The following ZNF582 variants were observed in gnomAD, a reference collection of about 807,000 sequenced individuals.
ZNF582 encodes zinc finger protein 582.
Under a neutral mutation model 12.3 loss-of-function variants are expected in ZNF582, and 14 were observed. The ratio of observed to expected loss-of-function variants is 1.14; its 90% confidence interval spans 0.75 to 1.78. The LOEUF is 1.78. ZNF582 is among the 40% of genes most tolerant of loss of function. ZNF582 has a pLI of 0.00. For missense variants in ZNF582, 567 were observed against 616.5 expected, an observed-to-expected ratio of 0.92 and a Z score of 0.85; for synonymous variants, 210 against 207.2, an observed-to-expected ratio of 1.01 and a Z score of -0.11.
intron 2 of ZNF582, among the ~76,000 whole-genome samples, chr19:56,391,437 T>C (rs2042012832): frequency 6.6e-6 from 1 of 152,214 alleles, no homozygotes; most frequent in South Asian, 2.1e-4. Context: ...TGCTTTTCTA[T>C]ATGTGATTGC....
intron 3 of ZNF582, 69 bp downstream of exon 3, chr19:56,390,306 A>G: frequency 6.2e-7 from 1 of 1,604,342 alleles, no homozygotes; most frequent in Non-Finnish European, 8.5e-7. Context: ...ACTGAAAAGC[A>G]CCCAAAAACT....
chr19:56,390,860 T>C (rs569008050), intron 2 of ZNF582, among the ~76,000 whole-genome samples: 1 of 152,314 alleles, frequency 6.6e-6, no homozygotes, highest in Admixed American at 6.5e-5. Context: ...TCTTTTGGAA[T>C]AACAATAACA....
At chr19:56,391,689 A>G in intron 2 of ZNF582, 55 bp downstream of exon 2, 10 of 1,537,040 alleles carry the variant, frequency 6.5e-6, no homozygotes, top group Non-Finnish European at 9.0e-6. Flanking sequence ...GATGGAACCC[A>G]GGTGGAAAGT....
At chr19:56,393,169 G>T in intron 1 of ZNF582, 51 bp downstream of exon 1, 1 of 1,232,816 alleles carries the variant, frequency 8.1e-7, no homozygotes, top group Non-Finnish European at 1.0e-6. Flanking sequence ...GCATAACAGT[G>T]AATGCAAAAC....
intron 2 of ZNF582, among the ~76,000 whole-genome samples, chr19:56,391,198 C>T (rs541818114): frequency 5.9e-5 from 9 of 152,292 alleles, no homozygotes; most frequent in Non-Finnish European, 1.0e-4. Flanking sequence ...CTTGCTACAT[C>T]GCTCACCATC....
At chr19:56,390,585 G>A in intron 2 of ZNF582, 84 bp from the exon 3 acceptor site, 3 of 1,491,426 alleles carry the variant, frequency 2.0e-6, no homozygotes, top group South Asian at 2.4e-5. Context: ...CTTTGCGGGA[G>A]GGGGGGTTGT....
chr19:56,386,131 T>TA (rs1281665146), intron 4 of ZNF582: 1 of 152,108 alleles, frequency 6.6e-6, no homozygotes, highest in Non-Finnish European at 1.5e-5. Context: ...TTTTAAAAAA[T>TA]AAAAATAAAA....
intron 4 of ZNF582, among the ~76,000 whole-genome samples, 190 bp downstream of exon 4, chr19:56,389,811 T>C (rs2042000040): frequency 6.6e-6 from 1 of 152,074 alleles, no homozygotes; most frequent in African/African-American, 2.4e-5. Flanking sequence ...CAGGTTGAAT[T>C]TTTAAAGTGT....
chr19:56,393,248 G>A (rs938266226), exon 1 of ZNF582: 11 of 1,248,570 alleles, frequency 8.8e-6, no homozygotes, highest in Non-Finnish European at 1.1e-5. Context: ...TGGGCTATGA[G>A]GCTGGAAGCA....
Position 56,390,306 on chromosome 19 carries a change from AC to A in ZNF582, c.136+68del, listed in dbSNP as rs371620768. The A allele has an allele frequency of 1.7e-4, 265 of 1,604,340 alleles. 1 individual carries two copies. The African/African-American group carries it at 2.9e-3, about 17-fold the overall frequency. On this transcript the variant is annotated intron_variant, in intron 3 of 4. Transcript: ENST00000586929. The stretch of plus-strand genomic sequence containing the variant: ...CCAACCAATCATAAGACTGAAAAGC[AC>A]CCAAAAACTGACCAGGAAGGAACAT...
At chr19:56,388,451 G>T (rs1030485283) in intron 4 of ZNF582, 4 of 152,124 alleles carry the variant, frequency 2.6e-5, no homozygotes, top group Non-Finnish European at 5.9e-5. Context: ...AATCATATCT[G>T]ATCCAAGAGA....
intron 3 of ZNF582, 136 bp from the exon 4 acceptor site, chr19:56,390,232 G>T (rs567248680): frequency 1.4e-6 from 2 of 1,381,030 alleles, no homozygotes; most frequent in East Asian, 4.6e-5. Context: ...TGGGGGTAGG[G>T]GGATGCAGCT....
chr19:56,388,583 G>A (rs1200720835), intron 4 of ZNF582, among the ~76,000 whole-genome samples: 1 of 152,006 alleles, frequency 6.6e-6, no homozygotes, highest in African/African-American at 2.4e-5. Flanking sequence ...CTTTCCCTCT[G>A]CCCACAGTGC....
Position 56,391,857 on chromosome 19 carries a change from AGAGG to A in ZNF582, c.-80-29_-80-26del, listed in dbSNP as rs751636506. 20 of 1,602,344 alleles carry A rather than the reference AGAGG, an allele frequency of 1.2e-5. No homozygotes were observed. The African/African-American group carries it at 2.3e-4, about 18-fold the overall frequency. On this transcript the variant is annotated intron_variant, in intron 1 of 4. Transcript: ENST00000586929. ...GCTGGGGGAGGAAAGAGCAAACATG[AGAGG>A]CTAGGCTTGCCTCACAGTTCCTAGA...
At chr19:56,393,347 G>A in exon 1 of ZNF582, 2 of 1,022,378 alleles carry the variant, frequency 2.0e-6, no homozygotes, top group Non-Finnish European at 2.6e-6. Context: ...GATGAGGCGA[G>A]ACGTCTGCGT....
exon 5 of ZNF582, chr19:56,384,988 G>C (rs138147752): frequency 6.8e-6 from 11 of 1,614,138 alleles, no homozygotes; most frequent in Non-Finnish European, 9.3e-6. Flanking sequence ...CATGTCTGAT[G>C]ATCATCTGAT....
At chr19:56,384,984 T>C (rs770448833) in exon 5 of ZNF582, 5 of 1,614,062 alleles carry the variant, frequency 3.1e-6, no homozygotes, top group Non-Finnish European at 4.2e-6. Context: ...TCTTCATGTC[T>C]GATGATCATC....
At chr19:56,391,815 A>G (rs755668909) in exon 2 of ZNF582, 1 of 1,614,164 alleles carries the variant, frequency 6.2e-7, no homozygotes, top group Non-Finnish European at 8.5e-7. Context: ...GGAAGGGCAG[A>G]GTCCTGCGAC....
At chr19:56,393,522 A>C (rs1469900896) in exon 1 of ZNF582, 1 of 489,482 alleles carries the variant, frequency 2.0e-6, no homozygotes, top group Admixed American at 2.1e-5. Context: ...GTACCGGTGG[A>C]TTCGCCGTGC....
Sources: allele counts gnomAD v4.1 joint callset (sites outside exome capture counted in the v4.1 genomes callset), GRCh38; gene constraint gnomAD v4.1.1; transcripts MANE v1.5; gene names NCBI Gene and HGNC (gene_info 2026-07-23, HGNC 2026-07-21).